Variants in HS6ST3 observed in about 807,000 individuals in gnomAD.
The protein encoded by HS6ST3 is heparan-sulfate 6-O-sulfotransferase 3.
HS6ST3 carries 12 observed loss-of-function variants against 36.7 expected under a neutral mutation model. The ratio of observed to expected loss-of-function variants is 0.33; its 90% CI spans 0.21 to 0.53. The LOEUF is 0.53. HS6ST3 is among the 20% of genes least tolerant of loss of function. The pLI, the probability that HS6ST3 is intolerant of heterozygous loss-of-function variation, is 0.95. For missense variants in HS6ST3, 584 were observed against 640.9 expected, an observed-to-expected ratio of 0.91 and a Z score of 0.96; for synonymous variants, 240 against 257.5, an observed-to-expected ratio of 0.93 and a Z score of 0.65.
intron 1 of HS6ST3, among the ~76,000 whole-genome samples, chr13:96,235,459 A>T (rs2054529893): frequency 6.6e-6 from 1 of 152,164 alleles, no homozygotes; most frequent in Admixed American, 6.5e-5. Context: ...CCACACATAG[A>T]ACCAGCAAAG....
At chr13:96,788,593 C>G (rs1014400252) in intron 1 of HS6ST3, among the ~76,000 whole-genome samples, 1 of 151,806 alleles carries the variant, frequency 6.6e-6, no homozygotes, top group South Asian at 2.1e-4. Context: ...TACATCCCTG[C>G]TTATTTTTGT....
At chr13:96,555,400 G>A (rs1032546457) in intron 1 of HS6ST3, among the ~76,000 whole-genome samples, 11 of 152,100 alleles carry the variant, frequency 7.2e-5, no homozygotes, top group South Asian at 2.1e-4. Context: ...GGAATAGTGG[G>A]CTTGGTGCAT....
At chr13:96,832,387 G>T in intron 1 of HS6ST3, 103 bp from the exon 2 acceptor site, 1 of 786,044 alleles carries the variant, frequency 1.3e-6, no homozygotes, top group Non-Finnish European at 2.0e-6. Flanking sequence ...ATGAACATTT[G>T]GCAAAGAGTC....
At chr13:96,382,393 G>C (rs976153302) in intron 1 of HS6ST3, among the ~76,000 whole-genome samples, 2 of 152,104 alleles carry the variant, frequency 1.3e-5, no homozygotes, top group African/African-American at 4.8e-5. Context: ...CATAAATATG[G>C]AGTGTTATTA....
rs1348391365 is a variant in HS6ST3, at chr13:96,112,580, T to TATACATATATATATAC, written c.707+21014_707+21015insCATATATATATACATA. Among the ~76,000 whole-genome samples, 74 of 33,730 alleles carry TATACATATATATATAC rather than the reference T, an allele frequency of 2.2e-3. 7 individuals carry two copies. Among genetic ancestry groups the TATACATATATATATAC allele is most frequent in the African/African-American group, 8.3e-3 (73 of 8,780 alleles). The allele number at this position is 33,730 out of a possible 152,430, so 22.1% of individuals were successfully genotyped here. A position where few individuals can be genotyped will look rare whatever the true frequency, so the allele number is the denominator to read the frequency against. Reference sequence around the variant, plus strand: ...AAACCCCATCTCTAAAATAAATAAATATATATATATATATATATATATATA... The same window carrying TATACATATATATATAC: ...AAACCCCATCTCTAAAATAAATAAATATACATATATATATACATATATATATATATATATATATATA... On this transcript the variant is annotated intron_variant, in intron 1 of 1. Coordinates refer to ENST00000376705, the MANE Select transcript of HS6ST3 (RefSeq NM_153456.4).
At chr13:96,191,031 C>G (rs553776284) in intron 1 of HS6ST3, among the ~76,000 whole-genome samples, 2 of 152,312 alleles carry the variant, frequency 1.3e-5, no homozygotes, top group African/African-American at 2.4e-5. Flanking sequence ...GCTCCATCAT[C>G]AAGCCAGAAG....
At chr13:96,298,425 G>T (rs955199165) in intron 1 of HS6ST3, among the ~76,000 whole-genome samples, 2 of 152,218 alleles carry the variant, frequency 1.3e-5, no homozygotes, top group African/African-American at 4.8e-5. Context: ...CACATTCTTA[G>T]AAGCCTTCCT....
intron 1 of HS6ST3, among the ~76,000 whole-genome samples, chr13:96,737,850 C>T (rs1443336389): frequency 6.6e-6 from 1 of 152,046 alleles, no homozygotes; most frequent in East Asian, 1.9e-4. Flanking sequence ...TCTGACCCCC[C>T]TCCCATCTTC....
intron 1 of HS6ST3, among the ~76,000 whole-genome samples, chr13:96,800,014 G>GTATA (rs1378792108): frequency 1.7e-5 from 2 of 117,036 alleles, no homozygotes; most frequent in East Asian, 2.4e-4. Flanking sequence ...ATATATATAT[G>GTATA]TATATATATA....
At chr13:96,166,907 T>A (rs933533676) in intron 1 of HS6ST3, among the ~76,000 whole-genome samples, 1 of 152,156 alleles carries the variant, frequency 6.6e-6, no homozygotes, top group African/African-American at 2.4e-5. Context: ...CTAAATCTGA[T>A]CATTTTTTAA....
chr13:96,333,726 A>AT (rs553004565), intron 1 of HS6ST3, among the ~76,000 whole-genome samples: 2 of 152,094 alleles, frequency 1.3e-5, no homozygotes, highest in African/African-American at 2.4e-5. Flanking sequence ...AGATTTAAAT[A>AT]TTTTTTTGAT....
intron 1 of HS6ST3, among the ~76,000 whole-genome samples, chr13:96,604,155 C>T (rs557736727): frequency 2.0e-4 from 30 of 152,228 alleles, no homozygotes; most frequent in Non-Finnish European, 2.9e-4. Context: ...GAACTATAAA[C>T]GGCCATCTGC....
At chr13:96,352,206 A>G (rs1487384657) in intron 1 of HS6ST3, among the ~76,000 whole-genome samples, 3 of 152,226 alleles carry the variant, frequency 2.0e-5, no homozygotes, top group Non-Finnish European at 2.9e-5. Context: ...CCCAAATTCG[A>G]TGACTTAAAA....
chr13:96,484,795 G>A (rs1271616305), intron 1 of HS6ST3, among the ~76,000 whole-genome samples: 2 of 152,168 alleles, frequency 1.3e-5, no homozygotes, highest in Non-Finnish European at 2.9e-5. Context: ...TGTAAATAAT[G>A]CTGCAATGAA....
At chr13:96,696,118 G>A (rs1875120175) in intron 1 of HS6ST3, among the ~76,000 whole-genome samples, 1 of 152,210 alleles carries the variant, frequency 6.6e-6, no homozygotes, top group Middle Eastern at 3.4e-3. Context: ...GTATTTTAAG[G>A]AATTGGCTTA....
chr13:96,596,470 A>G (rs2056401778), intron 1 of HS6ST3, among the ~76,000 whole-genome samples: 1 of 152,130 alleles, frequency 6.6e-6, no homozygotes, highest in South Asian at 2.1e-4. Flanking sequence ...TTCTTTAGGT[A>G]GATACCCAGT....
Position 96,832,792 on chromosome 13 carries a change from T to A in HS6ST3, c.1010T>A (p.Leu337Gln). ...FMNESERNTI[L>Q]LQSAKNNLKN... ...AACGAGAGTGAAAGAAACACCATCC[T>A]GTTGCAGAGTGCAAAGAACAACCTG... The change falls in exon 2 of 2, where the codon CTG becomes CAG. Residue 337 changes from leucine to glutamine, a missense_variant. Leu to Gln is a moderately radical substitution (Grantham distance 113). Transcript: ENST00000376705. The A allele has an allele frequency of 6.2e-7, 1 of 1,614,226 alleles. No homozygotes were observed.
At chr13:96,337,366 C>T (rs982708820) in intron 1 of HS6ST3, among the ~76,000 whole-genome samples, 3 of 152,206 alleles carry the variant, frequency 2.0e-5, no homozygotes, top group East Asian at 1.9e-4. Flanking sequence ...TGAGCCACCG[C>T]GCCCAGCCAG....
At chr13:96,435,046 C>T (rs1269566488) in intron 1 of HS6ST3, among the ~76,000 whole-genome samples, 1 of 152,052 alleles carries the variant, frequency 6.6e-6, no homozygotes, top group Non-Finnish European at 1.5e-5. Flanking sequence ...ATCCTCAACC[C>T]CAGTCCATCT....
Sources: allele counts gnomAD v4.1 joint callset (sites outside exome capture counted in the v4.1 genomes callset), GRCh38; gene constraint gnomAD v4.1.1; transcripts MANE v1.5; gene names NCBI Gene and HGNC (gene_info 2026-07-23, HGNC 2026-07-21).